Variants in GRIN3A observed in about 807,000 individuals in gnomAD.
GRIN3A encodes the protein glutamate receptor ionotropic, NMDA 3A.
A neutral mutation model predicts 92.4 loss-of-function variants in GRIN3A; 47 were observed. The ratio of observed to expected loss-of-function variants is 0.51; its 90% CI spans 0.40 to 0.65. The LOEUF (loss-of-function observed/expected upper bound fraction) is 0.65. GRIN3A is among the 30% of genes least tolerant of loss of function. The pLI is 0.00. For synonymous variants in GRIN3A, 527 were observed against 540.6 expected (o/e 0.97, Z 0.35); for missense variants, 1,324 against 1,393.1 (o/e 0.95, Z 0.79).
At chr9:101,669,703 C>T (rs1446428229) in intron 3 of GRIN3A, among the ~76,000 whole-genome samples, 1 of 152,074 alleles carries the variant, frequency 6.6e-6, no homozygotes, top group East Asian at 1.9e-4. Context: ...AGTAATTCAT[C>T]AGTTTTTAAG....
chr9:101,622,320 C>A (rs1828568392), intron 5 of GRIN3A, among the ~76,000 whole-genome samples: 1 of 152,166 alleles, frequency 6.6e-6, no homozygotes, highest in Non-Finnish European at 1.5e-5. Flanking sequence ...GTTGGGCACC[C>A]CCACGGGATT....
At chr9:101,620,200 A>C (rs1828531721) in intron 5 of GRIN3A, among the ~76,000 whole-genome samples, 1 of 152,214 alleles carries the variant, frequency 6.6e-6, no homozygotes, top group Non-Finnish European at 1.5e-5. Flanking sequence ...GAGGCTGGGA[A>C]GTCCAAGATC....
Position 101,594,669 on chromosome 9 carries a change from T to C in GRIN3A, c.2767-15309A>G, listed in dbSNP as rs140002593. 41 of 1,614,088 alleles carry C rather than the reference T, an allele frequency of 2.5e-5. 1 individual carries two copies. In the African/African-American group the frequency reaches 3.9e-4, roughly 15 times the overall value. ...CTCAACTTCTGCTCCTCGTCGCCCT[T>C]GACGCTGAACTGGGAGGTCCCCAGG... On this transcript the variant is annotated intron_variant, in intron 6 of 8. Transcript: ENST00000361820.
At chr9:101,733,560 G>A (rs1588302425) in intron 1 of GRIN3A, among the ~76,000 whole-genome samples, 5 of 152,294 alleles carry the variant, frequency 3.3e-5, no homozygotes. Flanking sequence ...TTTGCATAGA[G>A]CAAGTCAAAG....
chr9:101,668,442 T>G (rs1333712731), intron 3 of GRIN3A, among the ~76,000 whole-genome samples: 1 of 152,050 alleles, frequency 6.6e-6, no homozygotes, highest in Non-Finnish European at 1.5e-5. Context: ...GTTGAGATTC[T>G]CACAAATAAT....
intron 3 of GRIN3A, among the ~76,000 whole-genome samples, chr9:101,652,414 A>C (rs1407872): frequency 0.47 from 71,340 of 151,766 alleles, 16,994 homozygotes; most frequent in Middle Eastern, 0.54. Context: ...TAGAAGAAAC[A>C]GGGATTAAGA....
chr9:101,579,246 G>A lies in GRIN3A; in HGVS notation c.2881C>T (p.Pro961Ser), dbSNP rs1245051414. The change falls in exon 7 of 9, where the codon CCA becomes TCA. Residue 961 changes from proline (P) to serine (S), a missense_variant. Physicochemically the swap from Pro to Ser is moderately conservative, Grantham distance 74. Transcript: ENST00000361820. ...GEHIVYRLLLPRIKNKSKLQY... is the reference protein window; with the variant it reads ...GEHIVYRLLLSRIKNKSKLQY... The stretch of plus-strand genomic sequence containing the variant: ...AGCTTGGATTTGTTTTTGATTCGTG[G>A]TAGCAGCAGCCTGTATACTATGTGC... 6.2e-7 allele frequency: 1 copy of A among 1,613,990 alleles called. No individual in the cohort carries two copies. The highest frequency in any genetic ancestry group is 1.3e-5 in the African/African-American group (1 of 75,016).
At chr9:101,664,977 A>G (rs1489256762) in intron 3 of GRIN3A, among the ~76,000 whole-genome samples, 1 of 151,910 alleles carries the variant, frequency 6.6e-6, no homozygotes, top group African/African-American at 2.4e-5. Flanking sequence ...CTTGTAAGTC[A>G]ATAGCTTTTT....
At chr9:101,600,571 T>C (rs560426591) in intron 6 of GRIN3A, among the ~76,000 whole-genome samples, 7 of 152,230 alleles carry the variant, frequency 4.6e-5, no homozygotes, top group South Asian at 2.1e-4. Flanking sequence ...ATGACTGATT[T>C]ACAATCTCAA....
chr9:101,737,987 A>T lies in GRIN3A; in HGVS notation c.-8T>A, dbSNP rs752614190. On this transcript the variant is annotated 5_prime_UTR_variant, in exon 1 of 9. Transcript: ENST00000361820. ...CAAACTCAGTCTCCTCATTACTGAG[A>T]CCCGCAGGGAGAAAGCGCGCCCCCT... 2.0e-5 allele frequency: 30 copies of T among 1,531,660 alleles called. No homozygotes were observed. In the South Asian group the frequency reaches 2.4e-4, roughly 12 times the overall value. 94.9% of individuals were successfully genotyped at this position (1,531,660 alleles called of 1,614,324 possible).
intron 6 of GRIN3A, among the ~76,000 whole-genome samples, chr9:101,609,371 C>T (rs1828328366): frequency 6.6e-6 from 1 of 152,158 alleles, no homozygotes; most frequent in Admixed American, 6.5e-5. Flanking sequence ...CCATGCTGTG[C>T]TTCCATAAAT....
At chr9:101,733,046 A>G (rs1336363422) in intron 1 of GRIN3A, among the ~76,000 whole-genome samples, 1 of 152,192 alleles carries the variant, frequency 6.6e-6, no homozygotes, top group Non-Finnish European at 1.5e-5. Context: ...TTATTTATAA[A>G]ATAAAATCTA....
chr9:101,731,313 A>C (rs1830138007), intron 1 of GRIN3A, among the ~76,000 whole-genome samples: 1 of 152,116 alleles, frequency 6.6e-6, no homozygotes, highest in Admixed American at 6.5e-5. Flanking sequence ...ACTTCCTACA[A>C]TGCATAGTTC....
At chr9:101,577,077 G>T (rs778182504) in intron 8 of GRIN3A, among the ~76,000 whole-genome samples, 5 of 152,328 alleles carry the variant, frequency 3.3e-5, no homozygotes, top group Non-Finnish European at 4.4e-5. Context: ...GCCTGGTGTG[G>T]TGAGAGTGAA....
chr9:101,606,079 C>T (rs1283778354), intron 6 of GRIN3A, among the ~76,000 whole-genome samples: 2 of 152,204 alleles, frequency 1.3e-5, no homozygotes, highest in Admixed American at 6.5e-5. Flanking sequence ...ACTTCTCTCT[C>T]CTTCCCAACA....
intron 2 of GRIN3A, among the ~76,000 whole-genome samples, chr9:101,678,369 C>G (rs1829425639): frequency 1.3e-5 from 2 of 152,088 alleles, no homozygotes; most frequent in African/African-American, 4.8e-5. Flanking sequence ...CAATGGGGAA[C>G]CTCTCTGATG....
At chr9:101,587,309 C>CAAAAAAAAAAAAAAAAAAAAAAAAAAAAA in intron 6 of GRIN3A, among the ~76,000 whole-genome samples, 1 of 99,782 alleles carries the variant, frequency 1.0e-5, no homozygotes, top group African/African-American at 3.5e-5. Context: ...GACTCCATCT[C>CAAAAAAAAAAAAAAAAAAAAAAAAAAAAA]AAAAAAAAAA....
chr9:101,645,424 C>A (rs986887951), intron 3 of GRIN3A, among the ~76,000 whole-genome samples: 1 of 151,634 alleles, frequency 6.6e-6, no homozygotes, highest in Non-Finnish European at 1.5e-5. Flanking sequence ...CATATCTTTG[C>A]TATTGTGAAT....
intron 3 of GRIN3A, among the ~76,000 whole-genome samples, chr9:101,634,332 CAAAAAAAAA>C (rs10664535): frequency 4.4e-5 from 3 of 68,740 alleles, no homozygotes; most frequent in African/African-American, 6.3e-5. Context: ...GACTCCGTCT[CAAAAAAAAA>C]AAAAAAAAAA....
Sources: allele counts gnomAD v4.1 joint callset (sites outside exome capture counted in the v4.1 genomes callset), GRCh38; gene constraint gnomAD v4.1.1; transcripts MANE v1.5; gene names NCBI Gene and HGNC (gene_info 2026-07-23, HGNC 2026-07-21).